The following CNTN3 variants were observed in gnomAD, a reference collection of about 807,000 sequenced individuals.
CNTN3 encodes contactin 3.
Under a neutral mutation model 119.1 loss-of-function variants are expected in CNTN3, and 60 were observed. The ratio of observed to expected loss-of-function variants is 0.50; its 90% CI spans 0.41 to 0.62. CNTN3 has a LOEUF of 0.62. Ranked by LOEUF, CNTN3 falls within the 20% of genes least tolerant of loss-of-function variation. The pLI, the probability that CNTN3 is intolerant of heterozygous loss-of-function variation, is 0.00. For missense variants in CNTN3, 1,101 were observed against 1,242.4 expected, an observed-to-expected ratio of 0.89 and a Z score of 1.71; for synonymous variants, 450 against 438.7, an observed-to-expected ratio of 1.03 and a Z score of -0.32.
rs1292256982 is a variant in CNTN3, at chr3:74,449,589, A to G, written c.359-24649T>C. ...AAGCACATATAAAAATAAGAAACAG[A>G]TAAGTCAGACCAGTGATCTGAGGAC... On this transcript the variant is annotated intron_variant, in intron 4 of 22. Coordinates refer to ENST00000263665, the MANE Select transcript of CNTN3 (RefSeq NM_020872.3). Among the ~76,000 whole-genome samples the G allele has an allele frequency of 2.6e-5, 4 of 152,246 alleles. No individual in the cohort carries two copies. In the South Asian group the frequency reaches 8.3e-4, roughly 32 times the overall value.
intron 5 of CNTN3, among the ~76,000 whole-genome samples, chr3:74,421,855 A>T (rs950552877): frequency 6.6e-6 from 1 of 152,218 alleles, no homozygotes; most frequent in Non-Finnish European, 1.5e-5. Flanking sequence ...ATTAAAGGCC[A>T]TAAGTCAAAA....
intron 4 of CNTN3, among the ~76,000 whole-genome samples, chr3:74,443,996 G>C (rs1702007540): frequency 6.6e-6 from 1 of 152,168 alleles, no homozygotes; most frequent in Non-Finnish European, 1.5e-5. Context: ...CCAGAAGAGG[G>C]ATTCTTCCTT....
intron 5 of CNTN3, among the ~76,000 whole-genome samples, chr3:74,412,768 A>G (rs1701460370): frequency 6.6e-6 from 1 of 152,206 alleles, no homozygotes; most frequent in African/African-American, 2.4e-5. Flanking sequence ...CTCCATGGCA[A>G]TAATCCACTG....
At chr3:74,383,676 C>T (rs533251309) in intron 5 of CNTN3, among the ~76,000 whole-genome samples, 4 of 152,100 alleles carry the variant, frequency 2.6e-5, no homozygotes, top group Non-Finnish European at 4.4e-5. Flanking sequence ...GTAGAGACAG[C>T]GTCTCATTGT....
intron 1 of CNTN3, among the ~76,000 whole-genome samples, chr3:74,529,509 CT>C (rs1317532983): frequency 1.3e-5 from 2 of 151,796 alleles, no homozygotes; most frequent in Non-Finnish European, 2.9e-5. Flanking sequence ...AAATAATTTA[CT>C]TATTATTTGA....
At chr3:74,498,926 G>A (rs913466034) in intron 3 of CNTN3, among the ~76,000 whole-genome samples, 1 of 151,758 alleles carries the variant, frequency 6.6e-6, no homozygotes, top group African/African-American at 2.4e-5. Context: ...ATGAAAGTGG[G>A]TCTCCCAAGC....
At position 74,266,466 on chromosome 3, in the gene CNTN3, C is replaced by T. The variant is rs1215073885; in HGVS notation, c.2986+15G>A. ...CTGATGTCAATAAAGTAAATAATGG[C>T]TTCAACCAACTTACTGGTTATTCGT... On this transcript the variant is annotated intron_variant, in intron 22 of 22. Coordinates refer to ENST00000263665, the MANE Select transcript of CNTN3 (RefSeq NM_020872.3). 1.2e-6 allele frequency: 2 copies of T among 1,610,472 alleles called. No individual in the cohort carries two copies. Among genetic ancestry groups the T allele is most frequent in the African/African-American group, 1.3e-5 (1 of 74,944 alleles).
intron 20 of CNTN3, among the ~76,000 whole-genome samples, chr3:74,277,622 G>A (rs1419944095): frequency 6.6e-6 from 1 of 151,954 alleles, no homozygotes; most frequent in Non-Finnish European, 1.5e-5. Flanking sequence ...ATACCTCAAT[G>A]TAATAAAAGC....
intron 11 of CNTN3, among the ~76,000 whole-genome samples, chr3:74,342,108 T>G (rs776634992): frequency 2.6e-5 from 4 of 152,200 alleles, no homozygotes; most frequent in Non-Finnish European, 4.4e-5. Flanking sequence ...ACAATGCATA[T>G]ATTACAGGAT....
intron 1 of CNTN3, among the ~76,000 whole-genome samples, chr3:74,577,580 G>A (rs1204480838): frequency 1.3e-5 from 2 of 151,746 alleles, no homozygotes; most frequent in Non-Finnish European, 2.9e-5. Flanking sequence ...ACTCCTTCTC[G>A]GTAACATCCA....
intron 1 of CNTN3, among the ~76,000 whole-genome samples, chr3:74,611,351 T>C (rs909222156): frequency 6.6e-6 from 1 of 151,740 alleles, no homozygotes; most frequent in Non-Finnish European, 1.5e-5. Flanking sequence ...TTCTTGTTTA[T>C]AACATGTACA....
intron 19 of CNTN3, among the ~76,000 whole-genome samples, chr3:74,286,841 A>G (rs1242299149): frequency 1.3e-5 from 2 of 152,184 alleles, no homozygotes; most frequent in Non-Finnish European, 2.9e-5. Flanking sequence ...CTTCTTGAGC[A>G]GTCGTGAGTG....
At chr3:74,576,161 T>G (rs1344846474) in intron 1 of CNTN3, among the ~76,000 whole-genome samples, 2 of 152,146 alleles carry the variant, frequency 1.3e-5, no homozygotes, top group Non-Finnish European at 2.9e-5. Context: ...CTCTCTTCCA[T>G]TTTCCTTCCT....
At chr3:74,406,449 C>G (rs1705325042) in intron 5 of CNTN3, among the ~76,000 whole-genome samples, 1 of 151,514 alleles carries the variant, frequency 6.6e-6, no homozygotes, top group South Asian at 2.1e-4. Context: ...ATGATTTTAC[C>G]TTTGTTATTT....
intron 5 of CNTN3, among the ~76,000 whole-genome samples, chr3:74,406,782 AG>A (rs1705335156): frequency 6.6e-6 from 1 of 152,188 alleles, no homozygotes; most frequent in Non-Finnish European, 1.5e-5. Context: ...ACACATACAA[AG>A]GGAAATGGCT....
intron 1 of CNTN3, among the ~76,000 whole-genome samples, chr3:74,573,283 GCTTT>G (rs1704363148): frequency 6.6e-6 from 1 of 151,602 alleles, no homozygotes; most frequent in Non-Finnish European, 1.5e-5. Context: ...ATTGAAGAGT[GCTTT>G]CTTTTTTTTT....
chr3:74,547,409 G>C (rs953122873), intron 1 of CNTN3, among the ~76,000 whole-genome samples: 1 of 151,928 alleles, frequency 6.6e-6, no homozygotes, highest in Non-Finnish European at 1.5e-5. Flanking sequence ...TATTTATATG[G>C]GGTAGATTCC....
intron 13 of CNTN3, among the ~76,000 whole-genome samples, chr3:74,322,311 G>A (rs543035811): frequency 5.3e-5 from 8 of 151,798 alleles, no homozygotes; most frequent in Non-Finnish European, 8.8e-5. Flanking sequence ...ATACAAAAAT[G>A]AACACCCTGA....
intron 3 of CNTN3, among the ~76,000 whole-genome samples, chr3:74,498,211 G>A (rs1015777995): frequency 6.6e-6 from 1 of 151,586 alleles, no homozygotes; most frequent in Admixed American, 6.6e-5. Context: ...TTCATTTCAG[G>A]GAGAAACAAA....
Sources: gnomAD v4.1 joint callset for allele counts (sites outside exome capture counted in the v4.1 genomes callset) on GRCh38, gnomAD v4.1.1 for gene constraint, MANE v1.5 for transcripts, NCBI Gene and HGNC (gene_info 2026-07-23, HGNC 2026-07-21) for gene names.